RBFOX1: variants seen among roughly 807,000 people sequenced by gnomAD.
RBFOX1 encodes RNA binding fox-1 homolog 1.
Under a neutral mutation model 57.7 loss-of-function variants are expected in RBFOX1, and 8 were observed. That is an observed-to-expected ratio of 0.14 (90% CI 0.08 to 0.25). The LOEUF (loss-of-function observed/expected upper bound fraction) is 0.25, where lower values mean the gene tolerates loss of function less well. Among genes scored for constraint, RBFOX1 ranks in the 10% least tolerant of loss-of-function variants. The pLI, the probability that RBFOX1 is intolerant of heterozygous loss-of-function variation, is 1.00. For synonymous variants in RBFOX1, 326 were observed against 222.4 expected (o/e 1.47, Z -4.15); for missense variants, 611 against 548.5 (o/e 1.11, Z -1.14).
chr16:5,287,325 G>A (rs1331170012), intron 1 of RBFOX1, among the ~76,000 whole-genome samples: 1 of 152,074 alleles, frequency 6.6e-6, no homozygotes, highest in African/African-American at 2.4e-5. Context: ...AGGTTGGTTG[G>A]GGCGGGTTGG....
At chr16:5,772,679 A>G (rs768828096) in intron 3 of RBFOX1, among the ~76,000 whole-genome samples, 2 of 152,132 alleles carry the variant, frequency 1.3e-5, no homozygotes, top group Non-Finnish European at 2.9e-5. Flanking sequence ...AGATAAGGAG[A>G]AACGATAGTT....
chr16:7,102,304 G>C (rs1183997809), intron 4 of RBFOX1, among the ~76,000 whole-genome samples: 1 of 152,134 alleles, frequency 6.6e-6, no homozygotes, highest in Non-Finnish European at 1.5e-5. Flanking sequence ...TAGACTATTG[G>C]ATTCCCTTAG....
chr16:6,963,505 G>C (rs1486534080), intron 3 of RBFOX1, among the ~76,000 whole-genome samples: 1 of 152,108 alleles, frequency 6.6e-6, no homozygotes, highest in Non-Finnish European at 1.5e-5. Flanking sequence ...TAGAGGATCT[G>C]ATTTGTTTGC....
At chr16:7,093,365 G>T (rs187142559) in intron 4 of RBFOX1, among the ~76,000 whole-genome samples, 88 of 152,250 alleles carry the variant, frequency 5.8e-4, no homozygotes, top group Middle Eastern at 3.4e-3. Flanking sequence ...AATGTTCTCT[G>T]TTGTCTCGAA....
At chr16:6,312,848 G>A (rs1016355415) in intron 1 of RBFOX1, among the ~76,000 whole-genome samples, 2 of 151,972 alleles carry the variant, frequency 1.3e-5, no homozygotes, top group Non-Finnish European at 2.9e-5. Flanking sequence ...TGTGATCAGA[G>A]TTAAAATAGT....
At chr16:7,025,847 G>A (rs1231416487) in intron 3 of RBFOX1, among the ~76,000 whole-genome samples, 1 of 152,078 alleles carries the variant, frequency 6.6e-6, no homozygotes, top group African/African-American at 2.4e-5. Flanking sequence ...CCCAGGTCAG[G>A]GATTCAAAGC....
intron 4 of RBFOX1, among the ~76,000 whole-genome samples, chr16:5,957,548 G>C (rs937326656): frequency 3.9e-5 from 6 of 152,154 alleles, no homozygotes; most frequent in Non-Finnish European, 8.8e-5. Context: ...GTTATATCAG[G>C]AGGTCAATTT....
chr16:7,160,553 G>A (rs1288287013), intron 4 of RBFOX1, among the ~76,000 whole-genome samples: 4 of 152,046 alleles, frequency 2.6e-5, no homozygotes, highest in South Asian at 4.1e-4. Flanking sequence ...TGTTCTTGTT[G>A]ATTCAATGAA....
In RBFOX1 at chr16:6,877,648, A is replaced by G. The variant is rs568993050; in HGVS notation, c.-15-174409A>G. On this transcript the variant is annotated intron_variant, in intron 3 of 15. Coordinates refer to ENST00000550418, the MANE Select transcript of RBFOX1 (RefSeq NM_018723.4). ...TAGAGTTCACAAAGCATTTTTACGG[A>G]CAAGCCCATACTGAGAATCAGAGCA... Among the ~76,000 whole-genome samples the G allele has an allele frequency of 2.0e-5, 3 of 152,312 alleles. No homozygotes were observed. The South Asian group carries it at 6.2e-4, about 32-fold the overall frequency.
chr16:5,659,289 G>C (rs1481235145), intron 3 of RBFOX1, among the ~76,000 whole-genome samples: 1 of 150,794 alleles, frequency 6.6e-6, no homozygotes, highest in Admixed American at 6.6e-5. Context: ...TATGTTTGTT[G>C]GCCATTGGTA....
intron 3 of RBFOX1, among the ~76,000 whole-genome samples, chr16:6,664,618 A>G (rs1226583168): frequency 6.6e-6 from 1 of 152,190 alleles, no homozygotes; most frequent in Admixed American, 6.5e-5. Context: ...GAGATTCGAC[A>G]TCATTTTTAC....
At chr16:6,927,672 C>T (rs1420281544) in intron 3 of RBFOX1, among the ~76,000 whole-genome samples, 1 of 151,984 alleles carries the variant, frequency 6.6e-6, no homozygotes, top group Non-Finnish European at 1.5e-5. Context: ...TCAGCATCAC[C>T]TGCTGCCCTT....
At chr16:6,604,462 A>G (rs2097899144) in intron 2 of RBFOX1, among the ~76,000 whole-genome samples, 2 of 152,116 alleles carry the variant, frequency 1.3e-5, no homozygotes, top group East Asian at 1.9e-4. Flanking sequence ...CTTGTTATAT[A>G]AGAAAGTATC....
intron 4 of RBFOX1, among the ~76,000 whole-genome samples, chr16:7,318,735 T>C (rs949137961): frequency 6.6e-6 from 1 of 152,206 alleles, no homozygotes; most frequent in Non-Finnish European, 1.5e-5. Flanking sequence ...TTTTGCTTTT[T>C]ATAGCAGGCT....
intron 4 of RBFOX1, among the ~76,000 whole-genome samples, chr16:7,410,137 A>G (rs575789430): frequency 3.3e-5 from 5 of 152,306 alleles, no homozygotes; most frequent in Non-Finnish European, 7.4e-5. Context: ...GTTAACCTAC[A>G]TAAATGTCAC....
intron 10 of RBFOX1, among the ~76,000 whole-genome samples, chr16:7,617,086 G>A (rs1303773289): frequency 6.6e-6 from 1 of 152,120 alleles, no homozygotes. Flanking sequence ...ATACCACTGG[G>A]TAGCTTGACT....
At chr16:6,509,268 C>G (rs1038228881) in intron 2 of RBFOX1, among the ~76,000 whole-genome samples, 15 of 152,180 alleles carry the variant, frequency 9.9e-5, no homozygotes, top group African/African-American at 3.6e-4. Flanking sequence ...ATTTGAGCTC[C>G]TTATATATTC....
intron 3 of RBFOX1, among the ~76,000 whole-genome samples, chr16:6,921,027 G>C (rs972067498): frequency 6.6e-6 from 1 of 152,148 alleles, no homozygotes; most frequent in Non-Finnish European, 1.5e-5. Context: ...TATCTCAAGT[G>C]GTTGTGGTGA....
chr16:7,395,290 C>T (rs760168772), intron 4 of RBFOX1, among the ~76,000 whole-genome samples: 2 of 152,072 alleles, frequency 1.3e-5, no homozygotes, highest in Admixed American at 6.6e-5. Flanking sequence ...CACCTGTCAT[C>T]AGATAGAAGG....
Sources: gnomAD v4.1 joint callset for allele counts (sites outside exome capture counted in the v4.1 genomes callset) on GRCh38, gnomAD v4.1.1 for gene constraint, MANE v1.5 for transcripts, NCBI Gene and HGNC (gene_info 2026-07-23, HGNC 2026-07-21) for gene names.